Variants in NCS1 observed in about 807,000 individuals in gnomAD.
NCS1 encodes the protein neuronal calcium sensor 1.
Under a neutral mutation model 28.4 loss-of-function variants are expected in NCS1, and 6 were observed. The observed-to-expected ratio is 0.21, with a 90% CI of 0.12 to 0.42. The LOEUF (loss-of-function observed/expected upper bound fraction) is 0.42, where lower values mean the gene tolerates loss of function less well. Among genes scored for constraint, NCS1 ranks in the 10% least tolerant of loss-of-function variants. The pLI is 1.00. For synonymous variants in NCS1, 86 were observed against 99.3 expected, an observed-to-expected ratio of 0.87 and a Z score of 0.79; for missense variants, 131 against 241.4, an observed-to-expected ratio of 0.54 and a Z score of 3.03.
chr9:130,198,879 C>T (rs1393874230), intron 1 of NCS1, among the ~76,000 whole-genome samples: 1 of 152,106 alleles, frequency 6.6e-6, no homozygotes, highest in Non-Finnish European at 1.5e-5. Flanking sequence ...AGCATCCGCC[C>T]CACAGCCCCA....
chr9:130,203,507 G>T (rs572045425), intron 2 of NCS1, among the ~76,000 whole-genome samples: 33 of 152,280 alleles, frequency 2.2e-4, no homozygotes, highest in Admixed American at 2.0e-3. Flanking sequence ...CAGGGCAGGG[G>T]AGGGCAGTGG....
Position 130,188,568 on chromosome 9 carries a change from T to C in NCS1, c.65-12390T>C, listed in dbSNP as rs1343624254. Among the ~76,000 whole-genome samples, 3 of 151,360 alleles carry C rather than the reference T, an allele frequency of 2.0e-5. No homozygotes were observed. The East Asian group carries it at 5.9e-4, about 30-fold the overall frequency. On this transcript the variant is annotated intron_variant, in intron 1 of 7. Transcript: ENST00000372398. ...CTGGGATTACAGGCATGTGCCACCA[T>C]GACCTAATTTTATATTTTTAGTAGA...
chr9:130,199,017 A>G (rs1394146131), intron 1 of NCS1, among the ~76,000 whole-genome samples: 2 of 151,848 alleles, frequency 1.3e-5, no homozygotes, highest in African/African-American at 4.8e-5. Context: ...TTTATCTCAG[A>G]AAATTGCTTT....
chr9:130,231,105 C>A (rs2131163966), intron 7 of NCS1, among the ~76,000 whole-genome samples: 1 of 152,206 alleles, frequency 6.6e-6, no homozygotes, highest in African/African-American at 2.4e-5. Context: ...AATCCCAGCA[C>A]TTTGGGAGGT....
At chr9:130,183,057 G>A (rs1355934323) in intron 1 of NCS1, among the ~76,000 whole-genome samples, 4 of 152,188 alleles carry the variant, frequency 2.6e-5, no homozygotes, top group South Asian at 2.1e-4. Flanking sequence ...GGATCTTTCC[G>A]AAGAGTTTTT....
At chr9:130,223,929 C>G (rs1833374137) in intron 6 of NCS1, among the ~76,000 whole-genome samples, 1 of 151,900 alleles carries the variant, frequency 6.6e-6, no homozygotes, top group Admixed American at 6.6e-5. Context: ...TCACTGCAAG[C>G]TCTGCCGCCT....
rs150683155 is a variant in NCS1, at chr9:130,219,760, G to T, written c.264G>T (p.Ala88=). Residue 88 remains alanine (A), a synonymous_variant, in exon 4 of 8, where the codon GCG becomes GCT. Transcript: ENST00000372398. The surrounding 1 kb of genome is among the most constrained non-coding windows in gnomAD (Gnocchi z 5.7). The stretch of plus-strand genomic sequence containing the variant: ...TTGAGTTCTCCGAGTTCATCCAGGC[G>T]CTGTCGGTGACCTCACGGGGAACCC... The part of the protein sequence containing the change: ...GRIEFSEFIQ[A]LSVTSRGTLD... The T allele has an allele frequency of 2.2e-5, 35 of 1,614,088 alleles. No homozygotes were observed. In the South Asian group the frequency reaches 3.5e-4, roughly 16 times the overall value.
intron 2 of NCS1, among the ~76,000 whole-genome samples, chr9:130,208,247 C>A (rs1166840116): frequency 1.3e-5 from 2 of 150,384 alleles, no homozygotes; most frequent in African/African-American, 4.9e-5. Context: ...CGGGTGTCCT[C>A]TGGTGGATTA....
chr9:130,173,042 G>A (rs1052724923), intron 1 of NCS1, among the ~76,000 whole-genome samples: 1 of 152,158 alleles, frequency 6.6e-6, no homozygotes, highest in Non-Finnish European at 1.5e-5. Flanking sequence ...ACGGGCAGGG[G>A]CTGTTGCCAG....
At chr9:130,199,885 G>C (rs1488764885) in intron 1 of NCS1, among the ~76,000 whole-genome samples, 1 of 142,924 alleles carries the variant, frequency 7.0e-6, no homozygotes, top group African/African-American at 2.6e-5. Flanking sequence ...CCCCTTTCCT[G>C]TCTGTTCATG....
chr9:130,212,752 G>A (rs1475773217), intron 2 of NCS1, among the ~76,000 whole-genome samples: 1 of 151,870 alleles, frequency 6.6e-6, no homozygotes, highest in Non-Finnish European at 1.5e-5. Context: ...AGGCATCCTG[G>A]GGACAAAATT....
At chr9:130,179,590 G>A (rs1397537632) in intron 1 of NCS1, among the ~76,000 whole-genome samples, 2 of 152,174 alleles carry the variant, frequency 1.3e-5, no homozygotes, top group Non-Finnish European at 2.9e-5. Flanking sequence ...AAAAATTGTT[G>A]AATTGCTCTC....
At chr9:130,227,435 A>G (rs1833431422) in intron 7 of NCS1, among the ~76,000 whole-genome samples, 1 of 152,202 alleles carries the variant, frequency 6.6e-6, no homozygotes, top group African/African-American at 2.4e-5. Flanking sequence ...AATTGCTGGG[A>G]CATAGGATAT....
chr9:130,185,531 T>C (rs1554905554), intron 1 of NCS1, among the ~76,000 whole-genome samples: 2 of 152,174 alleles, frequency 1.3e-5, no homozygotes, highest in African/African-American at 4.8e-5. Context: ...CCCCAGACCC[T>C]TCTCACCTGC....
In NCS1 at chr9:130,223,152, T is replaced by TG; in HGVS notation, c.469dup (p.Asp157GlyfsTer2). 7.3e-7 allele frequency: 1 copy of TG among 1,368,818 alleles called. No homozygotes were observed. The highest frequency in any genetic ancestry group is 1.0e-6 in the Non-Finnish European group (1 of 1,001,684). The allele number at this position is 1,368,818 out of a possible 1,614,324, so 84.8% of individuals were successfully genotyped here. ...AGGGTGGACCGGATCTTTGCCATGA[T>TG]GGATAAGGTGAGGTGGGGGGGCGGG... On this transcript the variant is annotated frameshift_variant, in exon 6 of 8. Coordinates refer to ENST00000372398, the MANE Select transcript of NCS1 (RefSeq NM_014286.4). LOFTEE classifies it high-confidence loss of function.
rs781988789 is a variant in NCS1, at chr9:130,226,475, C to T, written c.561C>T (p.Asp187=). ...PSIVQALSLY[D]GLV ...TTGTGCAGGCGCTGTCCCTCTACGACGGGCTGGTATAGTCCCAGGCTGGAG... is the reference window on the plus strand; with the variant it reads ...TTGTGCAGGCGCTGTCCCTCTACGATGGGCTGGTATAGTCCCAGGCTGGAG... The change falls in exon 7 of 8, where the codon GAC becomes GAT. Residue 187 remains aspartate (D), a synonymous_variant. Coordinates refer to ENST00000372398, the MANE Select transcript of NCS1 (RefSeq NM_014286.4). The surrounding 1 kb of genome is among the most constrained non-coding windows in gnomAD (Gnocchi z 4.8). The T allele has an allele frequency of 2.0e-5, 33 of 1,613,102 alleles. No homozygotes were observed. Among genetic ancestry groups the T allele is most frequent in the South Asian group, 1.4e-4 (13 of 90,978 alleles).
intron 2 of NCS1, among the ~76,000 whole-genome samples, chr9:130,217,067 A>G (rs564159393): frequency 1.2e-4 from 18 of 152,306 alleles, no homozygotes; most frequent in Admixed American, 2.0e-4. Flanking sequence ...CCCTGATACC[A>G]ACAAGAGGGG....
chr9:130,183,667 T>TTCTC (rs35176220), intron 1 of NCS1, among the ~76,000 whole-genome samples: 1 of 151,218 alleles, frequency 6.6e-6, no homozygotes, highest in African/African-American at 2.4e-5. Context: ...TTTTCTTTCC[T>TTCTC]TCTCTCTCTT....
chr9:130,184,471 C>T (rs551886644), intron 1 of NCS1, among the ~76,000 whole-genome samples: 11 of 152,238 alleles, frequency 7.2e-5, no homozygotes, highest in South Asian at 6.2e-4. Context: ...GGGCCTGGCA[C>T]GGCTTATCCC....
Sources: gnomAD v4.1 joint callset for allele counts (sites outside exome capture counted in the v4.1 genomes callset) on GRCh38, gnomAD v4.1.1 for gene constraint, Gnocchi (gnomAD v3.1) non-coding constraint, MANE v1.5 for transcripts, NCBI Gene and HGNC (gene_info 2026-07-23, HGNC 2026-07-21) for gene names.